The following RAD51B variants were observed in gnomAD, a reference collection of about 807,000 sequenced individuals.
RAD51B encodes the protein DNA repair protein RAD51 homolog 2.
RAD51B carries 38 observed loss-of-function variants against 42.2 expected under a neutral mutation model. That is an observed-to-expected ratio of 0.90 (90% confidence interval 0.70 to 1.18). The LOEUF (loss-of-function observed/expected upper bound fraction) is 1.18, where lower values mean the gene tolerates loss of function less well. Among genes scored for constraint, RAD51B ranks in the 50% most tolerant of loss-of-function variants. RAD51B has a pLI of 0.00. For missense variants in RAD51B, 373 were observed against 400.7 expected, an observed-to-expected ratio of 0.93 and a Z score of 0.59; for synonymous variants, 154 against 145.2, an observed-to-expected ratio of 1.06 and a Z score of -0.43.
At chr14:67,963,269 C>T (rs1017744273) in intron 7 of RAD51B, among the ~76,000 whole-genome samples, 3 of 151,718 alleles carry the variant, frequency 2.0e-5, no homozygotes, top group South Asian at 4.2e-4. Flanking sequence ...TAATCTCATC[C>T]CAGAAAGAAT....
At chr14:68,179,841 C>T (rs1343330461) in intron 7 of RAD51B, among the ~76,000 whole-genome samples, 1 of 152,142 alleles carries the variant, frequency 6.6e-6, no homozygotes, top group African/African-American at 2.4e-5. Flanking sequence ...GGGCATCACA[C>T]CATAGGAGTG....
chr14:68,675,470 C>T (rs530350917), intron 11 of RAD51B, among the ~76,000 whole-genome samples: 1 of 152,168 alleles, frequency 6.6e-6, no homozygotes, highest in East Asian at 1.9e-4. Context: ...TGGCCCCCAA[C>T]ACAGTAACAC....
intron 8 of RAD51B, among the ~76,000 whole-genome samples, chr14:68,399,259 G>GTTTTTTTTTTTTTTTTTTTTTTTGTT (rs397719053): frequency 7.4e-6 from 1 of 136,026 alleles, no homozygotes; most frequent in African/African-American, 2.7e-5. Flanking sequence ...TTTTTTTTGT[G>GTTTTTTTTTTTTTTTTTTTTTTTGTT]TTTTTTTTTT....
chr14:68,623,421 A>G (rs1891999212), intron 10 of RAD51B, among the ~76,000 whole-genome samples: 1 of 152,242 alleles, frequency 6.6e-6, no homozygotes. Flanking sequence ...AATGAGAGCT[A>G]GTGACATTGA....
intron 8 of RAD51B, among the ~76,000 whole-genome samples, chr14:68,405,144 G>A (rs570091691): frequency 6.6e-6 from 1 of 152,204 alleles, no homozygotes; most frequent in Non-Finnish European, 1.5e-5. Flanking sequence ...TCATAGGATT[G>A]TTGTAAGGAT....
chr14:67,873,803 T>C (rs1595043611), intron 5 of RAD51B, among the ~76,000 whole-genome samples: 1 of 145,218 alleles, frequency 6.9e-6, no homozygotes, highest in African/African-American at 2.6e-5. Flanking sequence ...ATGGATGAAA[T>C]TGGAAATCAT....
At chr14:67,968,474 CT>C (rs2074831648) in intron 7 of RAD51B, among the ~76,000 whole-genome samples, 1 of 152,176 alleles carries the variant, frequency 6.6e-6, no homozygotes, top group Non-Finnish European at 1.5e-5. Flanking sequence ...CCCAAGTCAC[CT>C]TTTGAATGCT....
At chr14:68,354,733 T>A (rs535558373) in intron 8 of RAD51B, among the ~76,000 whole-genome samples, 63 of 151,976 alleles carry the variant, frequency 4.1e-4, no homozygotes, top group Admixed American at 2.3e-3. Flanking sequence ...TTTTTTTTTT[T>A]TAATTATTAA....
chr14:67,900,628 TAC>T (rs1214068146), intron 7 of RAD51B, among the ~76,000 whole-genome samples: 3,160 of 127,742 alleles, frequency 0.025, 108 homozygotes, highest in African/African-American at 0.086. Flanking sequence ...GTGTGTGTCA[TAC>T]ACACACACAC....
At chr14:68,523,441 C>A (rs1273385415) in intron 10 of RAD51B, among the ~76,000 whole-genome samples, 2 of 152,180 alleles carry the variant, frequency 1.3e-5, no homozygotes, top group African/African-American at 4.8e-5. Flanking sequence ...GGATTTGATT[C>A]ACTGTGAAGG....
At chr14:68,209,224 C>T (rs1481329134) in intron 7 of RAD51B, among the ~76,000 whole-genome samples, 1 of 152,162 alleles carries the variant, frequency 6.6e-6, no homozygotes, top group East Asian at 1.9e-4. Context: ...ACTTTTGGGA[C>T]ATGTTGAAAC....
At chr14:67,965,496 A>G (rs2074754404) in intron 7 of RAD51B, among the ~76,000 whole-genome samples, 1 of 151,332 alleles carries the variant, frequency 6.6e-6, no homozygotes, top group Non-Finnish European at 1.5e-5. Flanking sequence ...TAATCATATC[A>G]CTCTCTGGTT....
intron 7 of RAD51B, among the ~76,000 whole-genome samples, chr14:67,967,985 A>G (rs1045487362): frequency 1.3e-5 from 2 of 152,180 alleles, no homozygotes; most frequent in African/African-American, 4.8e-5. Flanking sequence ...AGGTGTTTCC[A>G]TACTTCTTCT....
intron 4 of RAD51B, among the ~76,000 whole-genome samples, chr14:67,855,294 G>A (rs2041952573): frequency 6.6e-6 from 1 of 151,648 alleles, no homozygotes; most frequent in South Asian, 2.1e-4. Context: ...GCAGTGGTGC[G>A]ATCTCGGCTC....
At chr14:68,388,096 T>TATA (rs33934376) in intron 8 of RAD51B, among the ~76,000 whole-genome samples, 5,600 of 88,452 alleles carry the variant, frequency 0.063, 111 homozygotes, top group East Asian at 0.12. Context: ...ATATATATAT[T>TATA]TTTTTTTTTT....
chr14:68,395,379 G>T (rs113476735), intron 8 of RAD51B, among the ~76,000 whole-genome samples: 1 of 152,148 alleles, frequency 6.6e-6, no homozygotes, highest in Non-Finnish European at 1.5e-5. Context: ...TGTGGAGGGG[G>T]TAGTCTTTTG....
intron 7 of RAD51B, among the ~76,000 whole-genome samples, chr14:68,287,095 A>G (rs920809452): frequency 2.6e-5 from 4 of 152,110 alleles, no homozygotes; most frequent in Admixed American, 6.6e-5. Flanking sequence ...AGTTCATCCC[A>G]TCTTTAACTG....
intron 7 of RAD51B, among the ~76,000 whole-genome samples, chr14:68,006,490 A>C (rs1207744958): frequency 6.6e-6 from 1 of 152,094 alleles, no homozygotes; most frequent in Non-Finnish European, 1.5e-5. Context: ...ATTAGTTGCT[A>C]TCGCTTTAAA....
chr14:68,468,328 T>C (rs1227384238), intron 10 of RAD51B, 78 bp downstream of exon 10: 1 of 1,410,008 alleles, frequency 7.1e-7, no homozygotes, highest in Non-Finnish European at 1.0e-6. Context: ...AGTGCTATGG[T>C]TCTGATAGAA....
Sources: allele counts gnomAD v4.1 joint callset (sites outside exome capture counted in the v4.1 genomes callset), GRCh38; gene constraint gnomAD v4.1.1; transcripts MANE v1.5; gene names NCBI Gene and HGNC (gene_info 2026-07-23, HGNC 2026-07-21).